The following ARHGAP42 variants were observed in gnomAD, a reference collection of about 807,000 sequenced individuals.
The protein encoded by ARHGAP42 is rho GTPase-activating protein 42.
A neutral mutation model predicts 125.0 loss-of-function variants in ARHGAP42; 63 were observed. That is an observed-to-expected ratio of 0.50 (90% CI 0.41 to 0.62). The LOEUF (loss-of-function observed/expected upper bound fraction) is 0.62. ARHGAP42 is among the 20% of genes least tolerant of loss of function. The pLI, the probability that ARHGAP42 is intolerant of heterozygous loss-of-function variation, is 0.00. For missense variants in ARHGAP42, 766 were observed against 1,024.2 expected, an observed-to-expected ratio of 0.75 and a Z score of 3.44; for synonymous variants, 339 against 351.0, an observed-to-expected ratio of 0.97 and a Z score of 0.38.
At chr11:100,873,993 T>G (rs533800213) in intron 4 of ARHGAP42, among the ~76,000 whole-genome samples, 1 of 152,316 alleles carries the variant, frequency 6.6e-6, no homozygotes, top group African/African-American at 2.4e-5. Context: ...ATTATTTACA[T>G]TAGAATGTTC....
chr11:100,771,280 T>C (rs1385102352), intron 2 of ARHGAP42, among the ~76,000 whole-genome samples: 4 of 152,170 alleles, frequency 2.6e-5, no homozygotes, highest in Non-Finnish European at 5.9e-5. Flanking sequence ...TCATCTCCCA[T>C]AAAATGAAGA....
chr11:100,954,515 C>T (rs1716163677), intron 12 of ARHGAP42, among the ~76,000 whole-genome samples: 1 of 152,116 alleles, frequency 6.6e-6, no homozygotes, highest in Non-Finnish European at 1.5e-5. Context: ...TGTATCTATT[C>T]TCCACAGCAA....
intron 2 of ARHGAP42, among the ~76,000 whole-genome samples, chr11:100,786,209 C>G (rs549997659): frequency 3.0e-4 from 46 of 152,120 alleles, no homozygotes; most frequent in African/African-American, 1.1e-3. Context: ...CAAAACAAAA[C>G]AAGGGAACAT....
chr11:100,977,595 A>C (rs1858425718), intron 21 of ARHGAP42, among the ~76,000 whole-genome samples: 2 of 152,196 alleles, frequency 1.3e-5, no homozygotes, highest in Non-Finnish European at 2.9e-5. Flanking sequence ...AGCAAAAAAG[A>C]GAGATAAAAA....
chr11:100,731,827 C>G (rs1483184160), intron 1 of ARHGAP42, among the ~76,000 whole-genome samples: 1 of 152,218 alleles, frequency 6.6e-6, no homozygotes, highest in Non-Finnish European at 1.5e-5. Context: ...TCAAAAGTAG[C>G]TTTCACACAG....
chr11:100,982,422 C>A (rs1323009109), intron 22 of ARHGAP42, among the ~76,000 whole-genome samples: 1 of 152,124 alleles, frequency 6.6e-6, no homozygotes, highest in Non-Finnish European at 1.5e-5. Context: ...CCAAGTGATT[C>A]TTATGTACAT....
At chr11:100,852,227 C>T (rs1169752179) in intron 3 of ARHGAP42, among the ~76,000 whole-genome samples, 2 of 152,078 alleles carry the variant, frequency 1.3e-5, no homozygotes, top group African/African-American at 4.8e-5. Flanking sequence ...GGATATCTTC[C>T]ATTTTTCTTA....
intron 12 of ARHGAP42, among the ~76,000 whole-genome samples, chr11:100,951,502 G>C (rs889224308): frequency 6.6e-6 from 1 of 152,096 alleles, no homozygotes; most frequent in African/African-American, 2.4e-5. Context: ...GCACTATAAG[G>C]TTAGTCCTTT....
At chr11:100,855,965 A>G (rs1360988068) in intron 3 of ARHGAP42, among the ~76,000 whole-genome samples, 1 of 152,108 alleles carries the variant, frequency 6.6e-6, no homozygotes, top group Non-Finnish European at 1.5e-5. Flanking sequence ...TCAATAATTT[A>G]TCTTATCAAT....
intron 1 of ARHGAP42, among the ~76,000 whole-genome samples, chr11:100,767,793 TA>T (rs1253942445): frequency 6.6e-6 from 1 of 152,184 alleles, no homozygotes; most frequent in Middle Eastern, 3.2e-3. Flanking sequence ...GCCTTTATTT[TA>T]CACTACATAT....
intron 3 of ARHGAP42, among the ~76,000 whole-genome samples, chr11:100,805,459 G>T (rs1300959046): frequency 1.3e-5 from 2 of 152,150 alleles, no homozygotes; most frequent in Non-Finnish European, 2.9e-5. Context: ...TCATCATATT[G>T]TTACTGAAAA....
intron 1 of ARHGAP42, among the ~76,000 whole-genome samples, chr11:100,766,646 G>A (rs1345883005): frequency 6.6e-6 from 1 of 152,148 alleles, no homozygotes; most frequent in Non-Finnish European, 1.5e-5. Context: ...AGGAGATGGA[G>A]CCAAGATTAA....
chr11:100,941,559 T>C (rs57322001), intron 8 of ARHGAP42, among the ~76,000 whole-genome samples: 6,063 of 151,782 alleles, frequency 0.04, 305 homozygotes, highest in African/African-American at 0.12. Flanking sequence ...TCACAAGTTT[T>C]ACAAAGTCGG....
chr11:100,875,101 CTCTCTCTGTGTGTGTG>C (rs1306207503), intron 4 of ARHGAP42, among the ~76,000 whole-genome samples: 44 of 93,482 alleles, frequency 4.7e-4, no homozygotes, highest in South Asian at 2.3e-3. Flanking sequence ...CTCTCTCTCT[CTCTCTCTGTGTGTGTG>C]TGTGTGTGTG....
intron 1 of ARHGAP42, among the ~76,000 whole-genome samples, chr11:100,706,005 G>T (rs1471901532): frequency 1.5e-5 from 2 of 137,854 alleles, no homozygotes; most frequent in East Asian, 2.0e-4. Context: ...TTTTGAGATG[G>T]AGTCTTGCTC....
At chr11:100,698,264 G>C (rs1389794360) in intron 1 of ARHGAP42, among the ~76,000 whole-genome samples, 1 of 152,124 alleles carries the variant, frequency 6.6e-6, no homozygotes, top group Non-Finnish European at 1.5e-5. Context: ...TTGAGGCCAG[G>C]AGTTGAAGAC....
At chr11:100,942,716 G>A (rs1832935262) in intron 9 of ARHGAP42, among the ~76,000 whole-genome samples, 2 of 152,084 alleles carry the variant, frequency 1.3e-5, no homozygotes, top group Non-Finnish European at 2.9e-5. Flanking sequence ...ACTCAAATAT[G>A]TCAGTTGAAA....
intron 4 of ARHGAP42, among the ~76,000 whole-genome samples, chr11:100,862,087 A>G (rs185753274): frequency 9.9e-5 from 15 of 152,270 alleles, no homozygotes; most frequent in Non-Finnish European, 1.8e-4. Context: ...AATAATAGCT[A>G]ATTTTTATTG....
rs959946911 is a variant in ARHGAP42 at position 100,988,774 on chromosome 11, T to C, written c.2598T>C (p.Val866=). 2.6e-5 allele frequency: 41 copies of C among 1,550,000 alleles called. No homozygotes were observed. The highest frequency in any genetic ancestry group is 3.5e-5 in the Non-Finnish European group (40 of 1,146,194). The part of the protein sequence containing the change: ...KATYEGKTGL[V]PENYVVFL The stretch of plus-strand genomic sequence containing the variant: ...CTTATGAAGGCAAAACAGGACTAGT[T>C]CCAGAAAATTATGTTGTCTTCCTCT... The change falls in exon 24 of 24, where the codon GTT becomes GTC. Residue 866 remains valine (V), a synonymous_variant. Transcript: ENST00000298815.
Sources: allele counts gnomAD v4.1 joint callset (sites outside exome capture counted in the v4.1 genomes callset), GRCh38; gene constraint gnomAD v4.1.1; transcripts MANE v1.5; gene names NCBI Gene and HGNC (gene_info 2026-07-23, HGNC 2026-07-21).